The following KPRP variants were observed in gnomAD, a reference collection of about 807,000 sequenced individuals.
KPRP encodes the protein keratinocyte proline-rich protein.
For synonymous variants in KPRP, 282 were observed against 276.9 expected (o/e 1.02, Z -0.18); for missense variants, 820 against 746.4 (o/e 1.10, Z -1.15).
chr1:152,759,434 C>G, upstream of KPRP: 1 of 1,312,198 alleles, frequency 7.6e-7, no homozygotes, highest in Non-Finnish European at 1.0e-6. Flanking sequence ...CGAACTAAGT[C>G]AGGACACTTG....
rs1464643083 is a variant in KPRP at position 152,759,671 on chromosome 1, C to G, written c.83C>G (p.Ser28Cys). The G allele has an allele frequency of 4.3e-6, 7 of 1,614,056 alleles. No individual in the cohort carries two copies. The African/African-American group carries it at 9.3e-5, about 22-fold the overall frequency. Residue 28 changes from serine (S) to cysteine (C), a missense_variant, in exon 1 of 1, where the codon TCC becomes TGC. Transcript: ENST00000606109. ...GGTCCCTCCTTCTGCTCCTCTCAAT[C>G]CCCCTTTGCCCAGAGCCAAGTGGTG... is the stretch of plus-strand genomic sequence containing the variant.
rs373421051 is a variant in KPRP, at chr1:152,761,331, G to T, written c.*3G>T. 2.4e-5 allele frequency: 38 copies of T among 1,610,834 alleles called. No homozygotes were observed. In the African/African-American group the frequency reaches 3.7e-4, roughly 16 times the overall value. On this transcript the variant is annotated 3_prime_UTR_variant, in exon 1 of 1. Coordinates refer to ENST00000606109, the Ensembl canonical transcript of KPRP. ...AAGCAAAGAGTGCTTATTTTTAAAG[G>T]AAAGGTGACTGAGATAACCCTCTCT...
exon 1 of KPRP, chr1:152,761,227 C>A (rs80248513): frequency 6.2e-7 from 1 of 1,614,116 alleles, no homozygotes; most frequent in Non-Finnish European, 8.5e-7. Context: ...TGGCTGTGGG[C>A]CTGGTGATGT....
At chr1:152,758,107 G>C (rs1014250352), upstream of KPRP, among the ~76,000 whole-genome samples, 2 of 152,222 alleles carry the variant, frequency 1.3e-5, no homozygotes, top group East Asian at 3.9e-4. Flanking sequence ...GTGATGTTCA[G>C]GGGAGAGCCC....
exon 1 of KPRP, chr1:152,760,434 C>T (rs1252328846): frequency 6.2e-7 from 1 of 1,613,886 alleles, no homozygotes; most frequent in Non-Finnish European, 8.5e-7. Context: ...CCAGCAGCTA[C>T]CTGCCACTAA....
exon 1 of KPRP, chr1:152,760,647 C>A (rs1351540819): frequency 6.2e-7 from 1 of 1,611,156 alleles, no homozygotes; most frequent in Non-Finnish European, 8.5e-7. Context: ...TCAGACGCCG[C>A]TCCCAGAGCT....
exon 1 of KPRP, chr1:152,761,363 C>G: frequency 6.3e-7 from 1 of 1,578,238 alleles, no homozygotes; most frequent in East Asian, 2.2e-5. Flanking sequence ...CTCTCCTGCT[C>G]TGAAAATGTT....
chr1:152,760,840 C>T (rs1322945329), exon 1 of KPRP: 1 of 1,614,154 alleles, frequency 6.2e-7, no homozygotes, highest in Admixed American at 1.7e-5. Flanking sequence ...AAGTCTAGAA[C>T]CACGCCCGCG....
upstream of KPRP, chr1:152,759,540 C>T: frequency 3.8e-6 from 6 of 1,581,772 alleles, no homozygotes; most frequent in South Asian, 1.2e-5. Flanking sequence ...ACCCTCCTGA[C>T]CCTGGTCTCT....
Position 152,759,744 on chromosome 1 carries a change from C to A in KPRP, c.156C>A (p.Cys52Ter), listed in dbSNP as rs759141925. 17 of 1,614,082 alleles carry A rather than the reference C, an allele frequency of 1.1e-5. No individual in the cohort carries two copies. The highest frequency in any genetic ancestry group is 1.4e-5 in the Non-Finnish European group (17 of 1,180,040). Residue 52 changes from cysteine to a stop codon, truncating the protein, a stop_gained, in exon 1 of 1, where the codon TGC becomes TGA. Transcript: ENST00000606109. LOFTEE classifies it low-confidence loss of function (END_TRUNC). ...AAATTGTGGACTGCCCTGCATCATGCCCAGTTCAAGTTTGCCAGGTGTCAG... is the reference window on the plus strand; with the variant it reads ...AAATTGTGGACTGCCCTGCATCATGACCAGTTCAAGTTTGCCAGGTGTCAG...
exon 1 of KPRP, chr1:152,761,459 C>A: frequency 6.9e-7 from 1 of 1,441,202 alleles, no homozygotes; most frequent in Non-Finnish European, 9.2e-7. Flanking sequence ...AAGGTGATGT[C>A]CAAACTCCTT....
chr1:152,759,828 G>A, exon 1 of KPRP: 3 of 1,614,048 alleles, frequency 1.9e-6, no homozygotes, highest in Non-Finnish European at 8.5e-7. Flanking sequence ...AGACCAAGCA[G>A]GTGAAGGGCC....
chr1:152,761,701 A>C, exon 1 of KPRP: 2 of 215,222 alleles, frequency 9.3e-6, no homozygotes, highest in East Asian at 1.3e-4. Flanking sequence ...AATCCACCCC[A>C]TCTTTCAGTG....
chr1:152,760,307 A>T, exon 1 of KPRP: 1 of 1,613,980 alleles, frequency 6.2e-7, no homozygotes, highest in Non-Finnish European at 8.5e-7. Context: ...CAGGGCTCCT[A>T]TGGGAGCTTC....
At chr1:152,758,964 A>T (rs1017522764), upstream of KPRP, among the ~76,000 whole-genome samples, 3 of 152,254 alleles carry the variant, frequency 2.0e-5, no homozygotes. Flanking sequence ...ATTTATTTCA[A>T]AACATTGTAT....
In KPRP at chr1:152,760,932, C is replaced by A. The variant is rs1651103848; in HGVS notation, c.1344C>A (p.Pro448=). 2.5e-6 allele frequency: 4 copies of A among 1,613,294 alleles called. No homozygotes were observed. In the South Asian group the frequency reaches 3.3e-5, roughly 13 times the overall value. The change falls in exon 1 of 1, where the codon CCC becomes CCA. Residue 448 remains proline, a synonymous_variant. Coordinates refer to ENST00000606109, the Ensembl canonical transcript of KPRP. ...TACGTCCAACACCGCGGCCAGTTCC[C>A]CTTCCTCGCCCAGGGCAGTGTGAGA...
chr1:152,760,032 C>T (rs2101562004), exon 1 of KPRP: 1 of 1,614,148 alleles, frequency 6.2e-7, no homozygotes, highest in Non-Finnish European at 8.5e-7. Context: ...ATGTAGAATG[C>T]CCAGTCCAGA....
chr1:152,758,151 A>G (rs1651000618), upstream of KPRP, among the ~76,000 whole-genome samples: 1 of 152,176 alleles, frequency 6.6e-6, no homozygotes. Context: ...AGAAGGGAGA[A>G]GCTAGGCACC....
chr1:152,759,490 G>A (rs1224310278), upstream of KPRP: 3 of 1,497,270 alleles, frequency 2.0e-6, no homozygotes, highest in African/African-American at 2.8e-5. Context: ...AAGATGCAGG[G>A]TGTCTTCCTC....
Sources: gnomAD v4.1 joint callset for allele counts (sites outside exome capture counted in the v4.1 genomes callset) on GRCh38, gnomAD v4.1.1 for gene constraint, MANE v1.5 for transcripts, NCBI Gene and HGNC (gene_info 2026-07-23, HGNC 2026-07-21) for gene names.